Variants in HPCAL1 observed in about 807,000 individuals in gnomAD.
HPCAL1 encodes hippocalcin-like protein 1.
HPCAL1 carries 8 observed loss-of-function variants against 17.1 expected under a neutral mutation model. The ratio of observed to expected loss-of-function variants is 0.47; its 90% CI spans 0.27 to 0.84. The LOEUF is 0.84. Among genes scored for constraint, HPCAL1 ranks in the 40% least tolerant of loss-of-function variants. The pLI is 0.13. For synonymous variants in HPCAL1, 112 were observed against 111.4 expected (o/e 1.01, Z -0.03); for missense variants, 165 against 271.1 (o/e 0.61, Z 2.75).
At chr2:10,426,521 A>G (rs1338783791) in intron 4 of HPCAL1, 16 of 564,372 alleles carry the variant, frequency 2.8e-5, no homozygotes, top group Non-Finnish European at 3.8e-5. Flanking sequence ...TACCTGATGT[A>G]TTGCAGGGAG....
rs1303079413 is a variant in HPCAL1, at chr2:10,395,148, A to G, written c.-110-1687A>G. Among the ~76,000 whole-genome samples, 2 of 141,006 alleles carry G rather than the reference A, an allele frequency of 1.4e-5. No homozygotes were observed. Among genetic ancestry groups the G allele is most frequent in the Admixed American group, 7.0e-5 (1 of 14,328 alleles). The allele number at this position is 141,006 out of a possible 152,430, so 92.5% of individuals were successfully genotyped here. A position where few individuals can be genotyped will look rare whatever the true frequency, so the allele number is the denominator to read the frequency against. ...CACACACACACACACACACACACACACACACACACACTGCTATCTTAAAAG... is the reference window on the plus strand; with the variant it reads ...CACACACACACACACACACACACACGCACACACACACTGCTATCTTAAAAG... On this transcript the variant is annotated intron_variant, in intron 1 of 4. Coordinates refer to ENST00000307845, the MANE Select transcript of HPCAL1 (RefSeq NM_002149.4). The surrounding 1 kb of genome is among the most constrained non-coding windows in gnomAD (Gnocchi z 4.4).
Position 10,363,937 on chromosome 2 carries a change from C to T in HPCAL1, c.-110-32898C>T, listed in dbSNP as rs1666678695. Among the ~76,000 whole-genome samples the T allele has an allele frequency of 6.6e-6, 1 of 152,190 alleles. No homozygotes were observed. The highest frequency in any genetic ancestry group is 2.1e-4 in the South Asian group (1 of 4,834). On this transcript the variant is annotated intron_variant, in intron 1 of 4. Transcript: ENST00000307845. This position sits in a 1 kb window ranked among gnomAD's most constrained non-coding sequence, Gnocchi z 4.7. ...GCCCTGAGCCGACTCAGCTGGTGCT[C>T]AGGGAGGCCTGATGATTCGGGGCGC... is the stretch of plus-strand genomic sequence containing the variant.
chr2:10,392,548 T>C (rs894672804), intron 1 of HPCAL1, among the ~76,000 whole-genome samples: 1 of 152,250 alleles, frequency 6.6e-6, no homozygotes, highest in Non-Finnish European at 1.5e-5. Flanking sequence ...CTTTCAGTCA[T>C]AGTTGACATT....
chr2:10,308,056 A>G (rs998599988), intron 1 of HPCAL1, among the ~76,000 whole-genome samples: 3 of 152,104 alleles, frequency 2.0e-5, no homozygotes, highest in Non-Finnish European at 4.4e-5. Flanking sequence ...TACCTATCAA[A>G]TAAGACCAGG....
intron 1 of HPCAL1, among the ~76,000 whole-genome samples, chr2:10,370,824 A>G (rs1018817772): frequency 6.6e-6 from 1 of 152,174 alleles, no homozygotes; most frequent in Non-Finnish European, 1.5e-5. Flanking sequence ...GTGGGCTCAA[A>G]TTCCAACTTT....
In HPCAL1 at chr2:10,420,147, C is replaced by G. The variant is rs557104150; in HGVS notation, c.378+12C>G. ...TGGAGATCGTGCAGGTACCGGCGCC[C>G]GAGGCCCCGGGTCTCACCGCGGGCC... On this transcript the variant is annotated intron_variant, in intron 3 of 4. Transcript: ENST00000307845. 5.6e-6 allele frequency: 9 copies of G among 1,597,322 alleles called. No homozygotes were observed. The East Asian group carries it at 1.3e-4, about 24-fold the overall frequency.
In HPCAL1 at chr2:10,423,053, A is replaced by G; in HGVS notation, c.449A>G (p.Asp150Gly). The G allele has an allele frequency of 6.2e-7, 1 of 1,613,568 alleles. No individual in the cohort carries two copies. Among genetic ancestry groups the G allele is most frequent in the Non-Finnish European group, 8.5e-7 (1 of 1,179,902 alleles). Residue 150 changes from aspartate (D) to glycine (G), a missense_variant, in exon 4 of 5, where the codon GAC becomes GGC. Coordinates refer to ENST00000307845, the MANE Select transcript of HPCAL1 (RefSeq NM_002149.4). ...EDESTPEKRT[D>G]KIFRQMDTNN... ...GAGTCCACCCCGGAGAAGCGCACAG[A>G]CAAGATCTTCAGGCAGATGGACACC...
At chr2:10,311,159 C>T (rs1662936590) in intron 1 of HPCAL1, among the ~76,000 whole-genome samples, 1 of 152,138 alleles carries the variant, frequency 6.6e-6, no homozygotes. Context: ...CTGGTTGTCC[C>T]CCCGCCCCCC....
intron 1 of HPCAL1, among the ~76,000 whole-genome samples, chr2:10,390,301 T>A (rs1215821908): frequency 6.6e-6 from 1 of 152,180 alleles, no homozygotes; most frequent in African/African-American, 2.4e-5. Context: ...TCAGGACACA[T>A]AGGCTCCTCT....
At chr2:10,380,729 C>T (rs1667888346) in intron 1 of HPCAL1, among the ~76,000 whole-genome samples, 1 of 152,102 alleles carries the variant, frequency 6.6e-6, no homozygotes, top group African/African-American at 2.4e-5. Flanking sequence ...GGGAAGCCTT[C>T]CCAGATTCCA....
intron 1 of HPCAL1, among the ~76,000 whole-genome samples, chr2:10,366,608 T>C (rs750666431): frequency 3.3e-4 from 51 of 152,298 alleles, no homozygotes; most frequent in Non-Finnish European, 4.6e-4. Context: ...AGAGCACATC[T>C]GTCTGGCATC....
intron 1 of HPCAL1, among the ~76,000 whole-genome samples, chr2:10,307,436 A>G (rs1220184980): frequency 6.6e-6 from 1 of 152,170 alleles, no homozygotes; most frequent in African/African-American, 2.4e-5. Context: ...GAACTCACCT[A>G]TGCCCACATC....
At chr2:10,358,039 G>A (rs377046745) in intron 1 of HPCAL1, among the ~76,000 whole-genome samples, 7 of 152,208 alleles carry the variant, frequency 4.6e-5, no homozygotes, top group South Asian at 2.1e-4. Flanking sequence ...CCACGGCCCC[G>A]TGCTGTATAG....
In HPCAL1 at chr2:10,420,022, C is replaced by G. The variant is rs752115258; in HGVS notation, c.265C>G (p.Leu89Val). 6.2e-7 allele frequency: 1 copy of G among 1,614,018 alleles called. No individual in the cohort carries two copies. Among genetic ancestry groups the G allele is most frequent in the East Asian group, 2.2e-5 (1 of 44,890 alleles). The change falls in exon 3 of 5, where the codon CTG (leucine) becomes GTG (valine). Residue 89 changes from leucine (L) to valine (V), a missense_variant. Physicochemically the swap from Leu to Val is conservative, Grantham distance 32. Transcript: ENST00000307845. Reference protein sequence around the residue: ...TIDFREFIIALSVTSRGKLEQ... With the variant: ...TIDFREFIIAVSVTSRGKLEQ... ...CGACTTCCGGGAGTTCATCATTGCGCTGAGCGTGACCTCGCGGGGCAAGCT... is the reference window on the plus strand; with the variant it reads ...CGACTTCCGGGAGTTCATCATTGCGGTGAGCGTGACCTCGCGGGGCAAGCT...
At chr2:10,413,979 C>T in intron 2 of HPCAL1, among the ~76,000 whole-genome samples, 1 of 152,274 alleles carries the variant, frequency 6.6e-6, no homozygotes, top group East Asian at 1.9e-4. Context: ...CACCATGTCG[C>T]CCTTGCCTGG....
At chr2:10,334,457 G>A (rs1448926797) in intron 1 of HPCAL1, among the ~76,000 whole-genome samples, 2 of 152,102 alleles carry the variant, frequency 1.3e-5, no homozygotes, top group Admixed American at 1.3e-4. Context: ...ATAGTGAGCT[G>A]TGGTCACACC....
chr2:10,329,108 T>C (rs1664194659), intron 1 of HPCAL1, among the ~76,000 whole-genome samples: 1 of 152,148 alleles, frequency 6.6e-6, no homozygotes, highest in Admixed American at 6.5e-5. Flanking sequence ...GGATTACAGA[T>C]GTGAGCCGCC....
chr2:10,386,938 C>T (rs976021361), intron 1 of HPCAL1, among the ~76,000 whole-genome samples: 2 of 152,220 alleles, frequency 1.3e-5, no homozygotes, highest in Admixed American at 6.5e-5. Context: ...CTCTGGCCTC[C>T]ACATGAGGCA....
chr2:10,353,662 G>T (rs2125469006), intron 1 of HPCAL1, among the ~76,000 whole-genome samples: 1 of 152,332 alleles, frequency 6.6e-6, no homozygotes, highest in South Asian at 2.1e-4. Context: ...TGACTTCCCA[G>T]GCTCAAGCAA....
Sources: gnomAD v4.1 joint callset for allele counts (sites outside exome capture counted in the v4.1 genomes callset) on GRCh38, gnomAD v4.1.1 for gene constraint, Gnocchi (gnomAD v3.1) non-coding constraint, MANE v1.5 for transcripts, NCBI Gene and HGNC (gene_info 2026-07-23, HGNC 2026-07-21) for gene names.